CYP4F8: variants seen among roughly 807,000 people sequenced by gnomAD.
CYP4F8 encodes cytochrome P450 family 4 subfamily F member 8, also known as cytochrome P450 4F8.
CYP4F8 carries 56 observed loss-of-function variants against 55.0 expected under a neutral mutation model. The observed-to-expected ratio is 1.02, with a 90% CI of 0.82 to 1.27. The LOEUF is 1.27. Among genes scored for constraint, CYP4F8 ranks in the 50% most tolerant of loss-of-function variants. CYP4F8 has a pLI of 0.00. For synonymous variants in CYP4F8, 288 were observed against 267.3 expected, an observed-to-expected ratio of 1.08 and a Z score of -0.76; for missense variants, 680 against 682.4, an observed-to-expected ratio of 1.00 and a Z score of 0.04.
At chr19:15,616,957 G>A (rs1429270531) in intron 2 of CYP4F8, among the ~76,000 whole-genome samples, 2 of 152,172 alleles carry the variant, frequency 1.3e-5, no homozygotes, top group Admixed American at 1.3e-4. Flanking sequence ...CCTGGTGAGA[G>A]CCGCTGTTCT....
At chr19:15,625,394 T>C (rs533161407) in intron 9 of CYP4F8, among the ~76,000 whole-genome samples, 15 of 149,030 alleles carry the variant, frequency 1.0e-4, no homozygotes, top group South Asian at 2.1e-4. Context: ...TATATATATA[T>C]ACACACACAC....
In CYP4F8 at chr19:15,618,054, C is replaced by A. The variant is rs749764848; in HGVS notation, c.253C>A (p.Pro85Thr). 4.3e-6 allele frequency: 7 copies of A among 1,613,996 alleles called. No homozygotes were observed. In the Admixed American group the frequency reaches 1.2e-4, roughly 27 times the overall value. ...RVLTQLVATYPQGFVRWLGPI... is the reference protein window; with the variant it reads ...RVLTQLVATYTQGFVRWLGPI... The stretch of plus-strand genomic sequence containing the variant: ...CCTGACCCAGCTGGTGGCCACCTAC[C>A]CCCAGGGCTTTGTGAGGTGGTTGGG... The change falls in exon 3 of 13, where the codon CCC (proline) becomes ACC (threonine). Residue 85 changes from proline to threonine, a missense_variant. Physicochemically the swap from Pro to Thr is conservative, Grantham distance 38. Coordinates refer to ENST00000612078, the MANE Select transcript of CYP4F8 (RefSeq NM_007253.4).
At position 15,623,086 on chromosome 19, in the gene CYP4F8, C is replaced by A; in HGVS notation, c.648-19C>A. 6.2e-7 allele frequency: 1 copy of A among 1,608,340 alleles called. No homozygotes were observed. Among genetic ancestry groups the A allele is most frequent in the Non-Finnish European group, 8.5e-7 (1 of 1,175,888 alleles). On this transcript the variant is annotated intron_variant, in intron 6 of 12. Coordinates refer to ENST00000612078, the MANE Select transcript of CYP4F8 (RefSeq NM_007253.4). ...ATGTGGGTAAGGAGCTGCTTCCTCT[C>A]TCTGGACTGGCCCTGCAGGAAGCCC...
chr19:15,619,378 A>G (rs1034446695), intron 3 of CYP4F8, 112 bp from the exon 4 acceptor site: 2 of 1,307,770 alleles, frequency 1.5e-6, no homozygotes, highest in South Asian at 2.8e-5. Flanking sequence ...CCTTCCTGCT[A>G]TGCTGGGCTT....
chr19:15,621,694 A>G (rs1452279664), intron 5 of CYP4F8: 1 of 152,522 alleles, frequency 6.6e-6, no homozygotes, highest in Non-Finnish European at 1.5e-5. Flanking sequence ...AGAACTCATC[A>G]TATGACAGAA....
In CYP4F8 at chr19:15,622,476, G is replaced by A. The variant is rs1972207455; in HGVS notation, c.647+136G>A. The A allele has an allele frequency of 3.2e-6, 4 of 1,261,110 alleles. No homozygotes were observed. The South Asian group carries it at 4.4e-5, about 14-fold the overall frequency. The allele number at this position is 1,261,110 out of a possible 1,614,324, so 78.1% of individuals were successfully genotyped here. Reference sequence around the variant, plus strand: ...AGGCATTGAAGGACAAAGAAGGAGAGAAGGAGAGAGAGAGAGAGCGAGAGA... The same window carrying A: ...AGGCATTGAAGGACAAAGAAGGAGAAAAGGAGAGAGAGAGAGAGCGAGAGA... On this transcript the variant is annotated intron_variant, in intron 6 of 12. Transcript: ENST00000612078.
intron 12 of CYP4F8, 121 bp from the exon 13 acceptor site, chr19:15,629,072 C>A: frequency 1.4e-6 from 2 of 1,395,014 alleles, no homozygotes; most frequent in Non-Finnish European, 1.9e-6. Context: ...CCAGACCCAG[C>A]TTCCCCCCTG....
chr19:15,623,622 T>A (rs1299041893), intron 7 of CYP4F8, 77 bp from the exon 8 acceptor site: 46 of 1,529,570 alleles, frequency 3.0e-5, no homozygotes, highest in Non-Finnish European at 3.9e-5. Context: ...CCTTCTGGGA[T>A]AATGGGTCTT....
rs1006485500 is a variant in CYP4F8, at chr19:15,619,080, C to G, written c.344-410C>G. On this transcript the variant is annotated intron_variant, in intron 3 of 12. Transcript: ENST00000612078. ...CGCAGTCTAAGCCATTAAAGAGAAG[C>G]TATTGACTGCAACATCCAGGGAGGT... 3.0e-4 allele frequency: 58 copies of G among 191,766 alleles called. 2 individuals carry two copies. Among genetic ancestry groups the G allele is most frequent in the Non-Finnish European group, 2.2e-5 (2 of 91,672 alleles). 11.9% of individuals were successfully genotyped at this position (191,766 alleles called of 1,614,324 possible). A position where few individuals can be genotyped will look rare whatever the true frequency, so the allele number is the denominator to read the frequency against.
intron 9 of CYP4F8, among the ~76,000 whole-genome samples, chr19:15,625,462 CATAT>C (rs376245515): frequency 6.7e-6 from 1 of 148,710 alleles, no homozygotes; most frequent in Non-Finnish European, 1.5e-5. Flanking sequence ...CAAATAAAAC[CATAT>C]ATATATATGC....
At chr19:15,616,466 A>C (rs1972123946) in intron 2 of CYP4F8, among the ~76,000 whole-genome samples, 1 of 152,180 alleles carries the variant, frequency 6.6e-6, no homozygotes, top group African/African-American at 2.4e-5. Flanking sequence ...GGGGTTACGC[A>C]GCAGGTATTC....
chr19:15,624,490 C>T (rs972481062), intron 9 of CYP4F8, among the ~76,000 whole-genome samples: 3 of 152,100 alleles, frequency 2.0e-5, no homozygotes, highest in Non-Finnish European at 4.4e-5. Flanking sequence ...CTTATCAACG[C>T]GTGTTTTTAT....
Position 15,624,242 on chromosome 19 carries a change from GC to G in CYP4F8, c.1115+149del, listed in dbSNP as rs1330645679. On this transcript the variant is annotated intron_variant, in intron 9 of 12. Coordinates refer to ENST00000612078, the MANE Select transcript of CYP4F8 (RefSeq NM_007253.4). The stretch of plus-strand genomic sequence containing the variant: ...GAATAGGAGTAGAGCCCAGAAACAG[GC>G]TAGCAAGGGTAACATTGCATGCTTT... 5.9e-6 allele frequency: 8 copies of G among 1,359,648 alleles called. No individual in the cohort carries two copies. The East Asian group carries it at 1.5e-4, about 26-fold the overall frequency. 84.2% of individuals were successfully genotyped at this position (1,359,648 alleles called of 1,614,324 possible).
At chr19:15,619,340 C>T in intron 3 of CYP4F8, 150 bp from the exon 4 acceptor site, 1 of 832,428 alleles carries the variant, frequency 1.2e-6, no homozygotes, top group South Asian at 1.8e-5. Flanking sequence ...ATGCCCCCCA[C>T]CCTCCTTTCT....
chr19:15,628,688 C>T, intron 11 of CYP4F8, 73 bp from the exon 12 acceptor site: 3 of 1,608,284 alleles, frequency 1.9e-6, no homozygotes, highest in South Asian at 1.1e-5. Flanking sequence ...ACTCCACCCA[C>T]ATCTGTTTTA....
chr19:15,624,860 A>G (rs1568384385), intron 9 of CYP4F8, among the ~76,000 whole-genome samples: 2 of 152,254 alleles, frequency 1.3e-5, no homozygotes, highest in East Asian at 1.9e-4. Flanking sequence ...CTGTGAAGTC[A>G]GTTTTTGCGT....
At position 15,624,532 on chromosome 19, in the gene CYP4F8, T is replaced by C. The variant is rs531198092; in HGVS notation, c.1115+438T>C. On this transcript the variant is annotated intron_variant, in intron 9 of 12. Coordinates refer to ENST00000612078, the MANE Select transcript of CYP4F8 (RefSeq NM_007253.4). ...CAGCCTTTTGGTATAAAAGACATGA[T>C]GTGTTGAATATCGGTGTACGATGAT... 2.6e-4 allele frequency among the ~76,000 whole-genome samples: 39 copies of C among 152,318 alleles called. No homozygotes were observed. In the South Asian group the frequency reaches 5.8e-3, roughly 23 times the overall value.
intron 3 of CYP4F8, chr19:15,618,577 G>A (rs1270478072): frequency 7.8e-5 from 26 of 335,056 alleles, no homozygotes; most frequent in Non-Finnish European, 1.3e-4. Context: ...GGTGTGGAAC[G>A]ATGAGTGATA....
intron 2 of CYP4F8, among the ~76,000 whole-genome samples, chr19:15,617,352 A>G (rs774209805): frequency 6.6e-6 from 1 of 152,224 alleles, no homozygotes; most frequent in Non-Finnish European, 1.5e-5. Flanking sequence ...CTATGTGCGC[A>G]GAATCTGGAC....
Sources: allele counts gnomAD v4.1 joint callset (sites outside exome capture counted in the v4.1 genomes callset), GRCh38; gene constraint gnomAD v4.1.1; transcripts MANE v1.5; gene names NCBI Gene and HGNC (gene_info 2026-07-23, HGNC 2026-07-21).